SMIM31: variants seen among roughly 807,000 people sequenced by gnomAD.
The protein encoded by SMIM31 is human epithelial cell program regulator.
intron 2 of SMIM31, among the ~76,000 whole-genome samples, chr4:164,774,254 G>GGTCAAT (rs1263516448): frequency 6.6e-6 from 1 of 151,620 alleles, no homozygotes; most frequent in Admixed American, 6.6e-5. Context: ...CCACACACTG[G>GGTCAAT]GTCAATGTCT....
chr4:164,786,368 A>G (rs1389317986), intron 2 of SMIM31, among the ~76,000 whole-genome samples: 3 of 152,188 alleles, frequency 2.0e-5, no homozygotes, highest in African/African-American at 7.2e-5. Context: ...TCTGTGTTCC[A>G]GGTGAAAGAG....
chr4:164,787,649 C>T (rs977744991), intron 2 of SMIM31, among the ~76,000 whole-genome samples: 1 of 151,556 alleles, frequency 6.6e-6, no homozygotes, highest in African/African-American at 2.4e-5. Flanking sequence ...TGAACTAGAA[C>T]TCACTTTACT....
chr4:164,763,344 T>C (rs762461621), intron 1 of SMIM31, among the ~76,000 whole-genome samples: 111 of 152,190 alleles, frequency 7.3e-4, no homozygotes, highest in Non-Finnish European at 5.6e-4. Flanking sequence ...TTTTAAATCA[T>C]CCTTTAGAAA....
At chr4:164,785,129 G>A (rs1733011310) in intron 2 of SMIM31, among the ~76,000 whole-genome samples, 2 of 151,892 alleles carry the variant, frequency 1.3e-5, no homozygotes, top group African/African-American at 4.8e-5. Context: ...AGGAGGCTGA[G>A]GCAGGAGAAT....
intron 2 of SMIM31, among the ~76,000 whole-genome samples, chr4:164,793,648 AG>A (rs1363066801): frequency 6.6e-6 from 1 of 152,096 alleles, no homozygotes; most frequent in Non-Finnish European, 1.5e-5. Flanking sequence ...AAAAAGAGCA[AG>A]ATCTCTGGTG....
At chr4:164,778,196 T>C (rs1732902163) in intron 2 of SMIM31, among the ~76,000 whole-genome samples, 1 of 152,178 alleles carries the variant, frequency 6.6e-6, no homozygotes, top group East Asian at 1.9e-4. Flanking sequence ...GAGATCAGCC[T>C]GGGCAACATA....
rs1732524077 is a variant in SMIM31 at position 164,754,357 on chromosome 4, T to C, written c.-80T>C. The C allele has an allele frequency of 6.6e-6, 1 of 152,110 alleles. No individual in the cohort carries two copies. Among genetic ancestry groups the C allele is most frequent in the African/African-American group, 2.4e-5 (1 of 41,430 alleles). The allele number at this position is 152,110 out of a possible 1,614,324, so 9.4% of individuals were successfully genotyped here. A position where few individuals can be genotyped will look rare whatever the true frequency, so the allele number is the denominator to read the frequency against. The stretch of plus-strand genomic sequence containing the variant: ...ATCCCAAGACACTGAAGACTCTGTT[T>C]GAATCAGACTCACGGGTTCCTTCCT... On this transcript the variant is annotated 5_prime_UTR_variant, in exon 1 of 3. An upstream open reading frame in the 5' UTR loses its in-frame stop. Coordinates refer to ENST00000507311, the MANE Select transcript of SMIM31 (RefSeq NM_001352885.1).
In SMIM31 at chr4:164,788,370, G is replaced by C. The variant is rs1171683663; in HGVS notation, c.113-12721G>C. On this transcript the variant is annotated intron_variant, in intron 2 of 2. Coordinates refer to ENST00000507311, the MANE Select transcript of SMIM31 (RefSeq NM_001352885.1). ...TTTTCATTTTATAAAAGGGGAAACA[G>C]AATCACCAAACTTAATGCCCTGGGG... is the stretch of plus-strand genomic sequence containing the variant. Among the ~76,000 whole-genome samples the C allele has an allele frequency of 2.7e-5, 4 of 147,266 alleles. No homozygotes were observed. In the Admixed American group the frequency reaches 2.7e-4, roughly 10 times the overall value.
rs1429961469 is a variant in SMIM31 at position 164,754,166 on chromosome 4, T to C, written c.-271T>C. Reference sequence around the variant, plus strand: ...TGATCCTTCACAAGGGAAGATTTTCTTTTTTAGAGGTACAGATTCCTCTTA... The same window carrying C: ...TGATCCTTCACAAGGGAAGATTTTCCTTTTTAGAGGTACAGATTCCTCTTA... On this transcript the variant is annotated 5_prime_UTR_variant, in exon 1 of 3. Coordinates refer to ENST00000507311, the MANE Select transcript of SMIM31 (RefSeq NM_001352885.1). 6.6e-6 allele frequency: 1 copy of C among 152,230 alleles called. No homozygotes were observed. Among genetic ancestry groups the C allele is most frequent in the East Asian group, 1.9e-4 (1 of 5,206 alleles). 9.4% of individuals were successfully genotyped at this position (152,230 alleles called of 1,614,324 possible).
Position 164,801,212 on chromosome 4 carries a change from T to G in SMIM31, c.*18T>G. On this transcript the variant is annotated 3_prime_UTR_variant, in exon 3 of 3. Coordinates refer to ENST00000507311, the MANE Select transcript of SMIM31 (RefSeq NM_001352885.1). ...AGCTATGATCTCATAGCCACCGATA[T>G]TTCTCGCTAAGAAGACAGAGGAAGC... 2.5e-6 allele frequency: 1 copy of G among 398,904 alleles called. No homozygotes were observed. Among genetic ancestry groups the G allele is most frequent in the East Asian group, 3.6e-5 (1 of 28,054 alleles). 24.7% of individuals were successfully genotyped at this position (398,904 alleles called of 1,614,324 possible).
chr4:164,793,236 T>A (rs932794940), intron 2 of SMIM31, among the ~76,000 whole-genome samples: 1 of 152,284 alleles, frequency 6.6e-6, no homozygotes. Flanking sequence ...AAAGAAGGGT[T>A]GAAAAACTAA....
chr4:164,778,750 T>C (rs1254576775), intron 2 of SMIM31, among the ~76,000 whole-genome samples: 2 of 152,114 alleles, frequency 1.3e-5, no homozygotes, highest in African/African-American at 2.4e-5. Context: ...GCTCAGGTTC[T>C]CCATCCACAT....
chr4:164,757,242 G>A (rs1279629776), intron 1 of SMIM31, among the ~76,000 whole-genome samples: 1 of 151,892 alleles, frequency 6.6e-6, no homozygotes, highest in Non-Finnish European at 1.5e-5. Context: ...CAAATATTTG[G>A]GCCATTTTTT....
intron 2 of SMIM31, among the ~76,000 whole-genome samples, chr4:164,780,105 T>A (rs1295807675): frequency 6.6e-6 from 1 of 152,214 alleles, no homozygotes; most frequent in African/African-American, 2.4e-5. Context: ...CATGCAACTC[T>A]TCCAGATAAT....
chr4:164,783,470 G>T (rs1300659442), intron 2 of SMIM31, among the ~76,000 whole-genome samples: 1 of 149,942 alleles, frequency 6.7e-6, no homozygotes, highest in African/African-American at 2.5e-5. Context: ...GTTACAGTGA[G>T]CCCCTGTTGA....
intron 1 of SMIM31, among the ~76,000 whole-genome samples, chr4:164,768,299 G>A (rs1241785734): frequency 6.6e-6 from 1 of 151,218 alleles, no homozygotes; most frequent in Non-Finnish European, 1.5e-5. Context: ...GAAAGAGAGA[G>A]AGAGAGGAAG....
rs185366888 is a variant in SMIM31, at chr4:164,795,464, A to G, written c.113-5627A>G. 4.1e-3 allele frequency among the ~76,000 whole-genome samples: 613 copies of G among 149,456 alleles called. 4 individuals are homozygous for G. The highest frequency in any genetic ancestry group is 6.6e-3 in the Non-Finnish European group (447 of 67,582). Reference sequence around the variant, plus strand: ...TCCCAGCTACTCTGGAGGCTGAGGCAGAAGAATCACTTGAACCTGGGAGGC... The same window carrying G: ...TCCCAGCTACTCTGGAGGCTGAGGCGGAAGAATCACTTGAACCTGGGAGGC... On this transcript the variant is annotated intron_variant, in intron 2 of 2. Transcript: ENST00000507311.
At chr4:164,765,193 A>T (rs1398309289) in intron 1 of SMIM31, among the ~76,000 whole-genome samples, 3 of 152,248 alleles carry the variant, frequency 2.0e-5, no homozygotes, top group African/African-American at 4.8e-5. Context: ...GCAACATGAT[A>T]GAGGATCCAT....
chr4:164,784,900 T>G (rs555853464), intron 2 of SMIM31, among the ~76,000 whole-genome samples: 1 of 23,974 alleles, frequency 4.2e-5, no homozygotes, highest in African/African-American at 5.3e-4. Flanking sequence ...TTTGTTTGGG[T>G]TTTTTTTTTT....
Sources: allele counts gnomAD v4.1 joint callset (sites outside exome capture counted in the v4.1 genomes callset), GRCh38; gene constraint gnomAD v4.1.1; transcripts MANE v1.5; gene names NCBI Gene and HGNC (gene_info 2026-07-23, HGNC 2026-07-21).